FCHSD2: variants seen among roughly 807,000 people sequenced by gnomAD.
FCHSD2 encodes FCH and double SH3 domains 2.
A neutral mutation model predicts 108.1 loss-of-function variants in FCHSD2; 38 were observed. That is an observed-to-expected ratio of 0.35 (90% CI 0.27 to 0.46). FCHSD2 has a LOEUF of 0.46. FCHSD2 is among the 20% of genes least tolerant of loss of function. FCHSD2 has a pLI of 1.00. For missense variants in FCHSD2, 751 were observed against 897.8 expected (o/e 0.84, Z 2.09); for synonymous variants, 279 against 314.7 (o/e 0.89, Z 1.20).
chr11:72,851,789 C>T (rs774303013), intron 13 of FCHSD2, among the ~76,000 whole-genome samples: 2 of 151,422 alleles, frequency 1.3e-5, no homozygotes, highest in African/African-American at 2.4e-5. Flanking sequence ...AAATAAAGTT[C>T]GTGAAGTATG....
At chr11:72,979,903 T>C (rs1211505238) in intron 8 of FCHSD2, among the ~76,000 whole-genome samples, 1 of 152,172 alleles carries the variant, frequency 6.6e-6, no homozygotes, top group Non-Finnish European at 1.5e-5. Flanking sequence ...ACAGTCATAA[T>C]GAGGGTTGTT....
At chr11:73,062,737 G>GA (rs1291836042) in intron 3 of FCHSD2, among the ~76,000 whole-genome samples, 5 of 152,076 alleles carry the variant, frequency 3.3e-5, no homozygotes, top group Admixed American at 1.3e-4. Flanking sequence ...CAAGATTACA[G>GA]AAAAAAGAAT....
intron 5 of FCHSD2, among the ~76,000 whole-genome samples, chr11:72,991,816 C>A (rs1413966314): frequency 2.6e-5 from 4 of 152,146 alleles, no homozygotes; most frequent in Admixed American, 6.5e-5. Context: ...ACTGAATGGG[C>A]AAAACCTGGA....
chr11:73,074,602 A>T lies in FCHSD2; in HGVS notation c.165+9093T>A, dbSNP rs538504727. Among the ~76,000 whole-genome samples, 626 of 152,350 alleles carry T rather than the reference A, an allele frequency of 4.1e-3. 1 individual carries two copies. Among genetic ancestry groups the T allele is most frequent in the African/African-American group, 0.012 (513 of 41,586 alleles). On this transcript the variant is annotated intron_variant, in intron 3 of 19. Coordinates refer to ENST00000409418, the MANE Select transcript of FCHSD2 (RefSeq NM_014824.3). Reference sequence around the variant, plus strand: ...AGAGCACTGAATATAAAAGAAAAAAAATATATTTCCTTAAAATTAAAAACT... The same window carrying T: ...AGAGCACTGAATATAAAAGAAAAAATATATATTTCCTTAAAATTAAAAACT...
intron 3 of FCHSD2, among the ~76,000 whole-genome samples, chr11:73,035,656 A>T (rs1858474828): frequency 1.3e-5 from 2 of 151,960 alleles, no homozygotes; most frequent in South Asian, 4.2e-4. Flanking sequence ...CAATATGCCA[A>T]ATGCTATTTT....
intron 2 of FCHSD2, among the ~76,000 whole-genome samples, chr11:73,091,084 G>T (rs1288518519): frequency 2.0e-5 from 3 of 152,182 alleles, no homozygotes; most frequent in African/African-American, 7.2e-5. Flanking sequence ...GTTGTAGTAT[G>T]TATCAATACT....
At chr11:73,047,856 A>G (rs893046105) in intron 3 of FCHSD2, among the ~76,000 whole-genome samples, 3 of 152,208 alleles carry the variant, frequency 2.0e-5, no homozygotes, top group Non-Finnish European at 4.4e-5. Context: ...ATGGTGAGCT[A>G]ATGACTTTGT....
chr11:72,892,371 C>T (rs1313263423), intron 10 of FCHSD2, among the ~76,000 whole-genome samples: 1 of 152,112 alleles, frequency 6.6e-6, no homozygotes, highest in Non-Finnish European at 1.5e-5. Context: ...GGGAATGACA[C>T]AAAACTAAAA....
chr11:72,886,086 T>C (rs1855191758), intron 12 of FCHSD2, among the ~76,000 whole-genome samples: 1 of 152,128 alleles, frequency 6.6e-6, no homozygotes, highest in South Asian at 2.1e-4. Context: ...CCTCTGGAGT[T>C]CTAAGGGGGT....
At chr11:73,025,317 G>C (rs2135444307) in intron 3 of FCHSD2, among the ~76,000 whole-genome samples, 1 of 152,282 alleles carries the variant, frequency 6.6e-6, no homozygotes, top group East Asian at 1.9e-4. Flanking sequence ...CACAAAGAAA[G>C]AATGAGATAA....
At chr11:73,123,698 C>T (rs1245293213) in intron 2 of FCHSD2, among the ~76,000 whole-genome samples, 1 of 152,210 alleles carries the variant, frequency 6.6e-6, no homozygotes, top group Non-Finnish European at 1.5e-5. Context: ...CATCCCCCTC[C>T]ACCACTTCAA....
chr11:73,059,429 T>C (rs1859110320), intron 3 of FCHSD2, among the ~76,000 whole-genome samples: 1 of 152,178 alleles, frequency 6.6e-6, no homozygotes, highest in Admixed American at 6.5e-5. Context: ...CAGATAAGTG[T>C]TAGCCATCAG....
At chr11:72,980,251 G>T (rs1857187419) in intron 8 of FCHSD2, among the ~76,000 whole-genome samples, 1 of 152,198 alleles carries the variant, frequency 6.6e-6, no homozygotes, top group Non-Finnish European at 1.5e-5. Flanking sequence ...AGTAGGAAAA[G>T]TTAACTAGGG....
chr11:73,036,548 G>A (rs1258206358), intron 3 of FCHSD2, among the ~76,000 whole-genome samples: 1 of 152,116 alleles, frequency 6.6e-6, no homozygotes, highest in Non-Finnish European at 1.5e-5. Context: ...ACAATGACTA[G>A]CATACTGCAA....
chr11:72,914,626 A>T (rs2135299672), intron 9 of FCHSD2, among the ~76,000 whole-genome samples: 1 of 152,306 alleles, frequency 6.6e-6, no homozygotes, highest in East Asian at 1.9e-4. Flanking sequence ...GACAAAAAGC[A>T]ATGGGGAAAG....
chr11:72,961,130 T>A (rs968671644), intron 8 of FCHSD2, among the ~76,000 whole-genome samples: 5 of 152,200 alleles, frequency 3.3e-5, no homozygotes, highest in Admixed American at 6.5e-5. Flanking sequence ...AATATTCAGT[T>A]TTAAAATGTG....
chr11:72,906,514 G>GCC (rs1855634085), intron 9 of FCHSD2, among the ~76,000 whole-genome samples: 1 of 152,178 alleles, frequency 6.6e-6, no homozygotes, highest in African/African-American at 2.4e-5. Flanking sequence ...CCTATGTCCT[G>GCC]AATGGTATTG....
intron 3 of FCHSD2, among the ~76,000 whole-genome samples, chr11:73,052,879 C>G (rs1354329029): frequency 6.6e-6 from 1 of 152,122 alleles, no homozygotes; most frequent in Non-Finnish European, 1.5e-5. Context: ...TGGAGTCTCA[C>G]TCTGTTGCCC....
intron 3 of FCHSD2, among the ~76,000 whole-genome samples, chr11:73,018,733 T>G (rs1469667597): frequency 2.0e-5 from 3 of 152,162 alleles, no homozygotes; most frequent in Non-Finnish European, 4.4e-5. Context: ...GTACTCAAAT[T>G]TTTTAATAAC....
Sources: allele counts gnomAD v4.1 joint callset (sites outside exome capture counted in the v4.1 genomes callset), GRCh38; gene constraint gnomAD v4.1.1; transcripts MANE v1.5; gene names NCBI Gene and HGNC (gene_info 2026-07-23, HGNC 2026-07-21).